Variants in MTSS1 observed in about 807,000 individuals in gnomAD.
The protein encoded by MTSS1 is MTSS I-BAR domain containing 1.
Under a neutral mutation model 79.0 loss-of-function variants are expected in MTSS1, and 18 were observed. The observed-to-expected ratio is 0.23, with a 90% confidence interval of 0.16 to 0.34. MTSS1 has a LOEUF of 0.34. Among genes scored for constraint, MTSS1 ranks in the 10% least tolerant of loss-of-function variants. The probability of loss-of-function intolerance (pLI) is 1.00; values close to 1 mark genes in which losing one functional copy is unlikely to be tolerated. For synonymous variants in MTSS1, 341 were observed against 368.6 expected, an observed-to-expected ratio of 0.93 and a Z score of 0.86; for missense variants, 815 against 986.2, an observed-to-expected ratio of 0.83 and a Z score of 2.33.
intron 3 of MTSS1, among the ~76,000 whole-genome samples, chr8:124,598,124 A>C (rs555908815): frequency 6.6e-6 from 1 of 152,222 alleles, no homozygotes; most frequent in Admixed American, 6.5e-5. Context: ...CCATCTCTAC[A>C]AATAAATTAA....
chr8:124,583,968 G>A (rs572855982), intron 6 of MTSS1, among the ~76,000 whole-genome samples: 1 of 152,298 alleles, frequency 6.6e-6, no homozygotes, highest in South Asian at 2.1e-4. Context: ...TAAAACATAC[G>A]AAAGAAACTG....
chr8:124,670,270 G>A (rs1823878962), intron 3 of MTSS1, among the ~76,000 whole-genome samples: 1 of 152,154 alleles, frequency 6.6e-6, no homozygotes, highest in African/African-American at 2.4e-5. Flanking sequence ...ACCAAACAGA[G>A]GGAACAGCAA....
rs140256146 is a variant in MTSS1 at position 124,559,290 on chromosome 8, C to T, written c.1036-1415G>A. On this transcript the variant is annotated intron_variant, in intron 10 of 13. Coordinates refer to ENST00000518547, the MANE Select transcript of MTSS1 (RefSeq NM_014751.6). ...ATAGGTGTTATTTATTGCATGAGGG[C>T]GGACCCCAGCTCGGGCTTTTGCTAC... Among the ~76,000 whole-genome samples, 355 of 152,326 alleles carry T rather than the reference C, an allele frequency of 2.3e-3. 2 individuals carry two copies. Among genetic ancestry groups the T allele is most frequent in the African/African-American group, 6.7e-3 (279 of 41,566 alleles).
chr8:124,648,886 T>G (rs1051979299), intron 3 of MTSS1, among the ~76,000 whole-genome samples: 1 of 152,226 alleles, frequency 6.6e-6, no homozygotes, highest in African/African-American at 2.4e-5. Context: ...CATCGAGTAC[T>G]ATGGGGTCCA....
chr8:124,554,385 TGCCC>T (rs1823127765), intron 13 of MTSS1, among the ~76,000 whole-genome samples: 1 of 151,706 alleles, frequency 6.6e-6, no homozygotes, highest in African/African-American at 2.4e-5. Flanking sequence ...CCCTGCCCTG[TGCCC>T]ACTAGATGCC....
At chr8:124,563,786 A>G (rs1259996825) in intron 9 of MTSS1, among the ~76,000 whole-genome samples, 1 of 152,170 alleles carries the variant, frequency 6.6e-6, no homozygotes, top group Non-Finnish European at 1.5e-5. Flanking sequence ...GATGTCAAAT[A>G]ATGACACACC....
At chr8:124,651,022 C>T (rs1441868280) in intron 3 of MTSS1, among the ~76,000 whole-genome samples, 1 of 152,218 alleles carries the variant, frequency 6.6e-6, no homozygotes, top group South Asian at 2.1e-4. Context: ...AAAGTGCTTA[C>T]AACAGTGTGC....
intron 10 of MTSS1, among the ~76,000 whole-genome samples, chr8:124,561,391 C>T (rs2131913155): frequency 6.6e-6 from 1 of 152,298 alleles, no homozygotes; most frequent in Non-Finnish European, 1.5e-5. Flanking sequence ...GCACTCCAGC[C>T]TGGGGTGACA....
intron 3 of MTSS1, among the ~76,000 whole-genome samples, chr8:124,684,404 G>C (rs1826617604): frequency 6.6e-6 from 1 of 152,126 alleles, no homozygotes; most frequent in South Asian, 2.1e-4. Flanking sequence ...AAATTATAGA[G>C]CAACAGAAAA....
At chr8:124,651,883 T>C (rs768788425) in intron 3 of MTSS1, among the ~76,000 whole-genome samples, 2 of 152,108 alleles carry the variant, frequency 1.3e-5, no homozygotes, top group Non-Finnish European at 2.9e-5. Context: ...TTGGGTCCTC[T>C]CCCAGACCCC....
intron 3 of MTSS1, among the ~76,000 whole-genome samples, chr8:124,591,868 C>T (rs550336790): frequency 2.6e-4 from 40 of 152,068 alleles, no homozygotes; most frequent in Non-Finnish European, 2.1e-4. Context: ...GCAACCTCTA[C>T]CTCCTGGGTT....
chr8:124,723,520 G>C (rs1833250740), intron 1 of MTSS1, among the ~76,000 whole-genome samples: 1 of 68 alleles, frequency 0.015, no homozygotes, highest in African/African-American at 0.056. Context: ...AAATAGGGAG[G>C]GGGTTTTCAC....
intron 3 of MTSS1, among the ~76,000 whole-genome samples, chr8:124,609,082 G>T (rs552098469): frequency 2.0e-5 from 3 of 152,340 alleles, no homozygotes; most frequent in Non-Finnish European, 4.4e-5. Context: ...TCACCAGCCA[G>T]AATACTTTCC....
chr8:124,585,222 T>G (rs917692511), intron 5 of MTSS1, 61 bp from the exon 6 acceptor site: 12 of 1,215,406 alleles, frequency 9.9e-6, no homozygotes, highest in Non-Finnish European at 1.4e-5. Flanking sequence ...ATATGTTAGG[T>G]AGGAAACAGC....
chr8:124,594,428 G>A (rs1031300529), intron 3 of MTSS1, among the ~76,000 whole-genome samples: 3 of 152,202 alleles, frequency 2.0e-5, no homozygotes, highest in African/African-American at 7.2e-5. Context: ...CTACTTGGGA[G>A]GAGTAGCTTG....
chr8:124,715,924 C>T (rs1831878550), intron 1 of MTSS1, among the ~76,000 whole-genome samples: 1 of 152,146 alleles, frequency 6.6e-6, no homozygotes, highest in African/African-American at 2.4e-5. Flanking sequence ...GTCCCTGCCT[C>T]AAATGATGGT....
chr8:124,690,855 T>G (rs1827824591), intron 3 of MTSS1, among the ~76,000 whole-genome samples: 1 of 152,212 alleles, frequency 6.6e-6, no homozygotes, highest in Non-Finnish European at 1.5e-5. Context: ...ACAAGGTATT[T>G]TTTTAAATTT....
chr8:124,691,460 A>G (rs1827920971), intron 3 of MTSS1, among the ~76,000 whole-genome samples: 1 of 152,252 alleles, frequency 6.6e-6, no homozygotes, highest in African/African-American at 2.4e-5. Flanking sequence ...GGATACACAT[A>G]CGTACATACA....
chr8:124,645,585 C>G (rs1225115079), intron 3 of MTSS1, among the ~76,000 whole-genome samples: 1 of 152,132 alleles, frequency 6.6e-6, no homozygotes, highest in South Asian at 2.1e-4. Context: ...TGGGGTATCA[C>G]AAGCTTAAAG....
Sources: allele counts gnomAD v4.1 joint callset (sites outside exome capture counted in the v4.1 genomes callset), GRCh38; gene constraint gnomAD v4.1.1; transcripts MANE v1.5; gene names NCBI Gene and HGNC (gene_info 2026-07-23, HGNC 2026-07-21).